The following FOXN3 variants were observed in gnomAD, a reference collection of about 807,000 sequenced individuals.
FOXN3 encodes the protein forkhead box protein N3.
Under a neutral mutation model 38.4 loss-of-function variants are expected in FOXN3, and 7 were observed. The ratio of observed to expected loss-of-function variants is 0.18; its 90% CI spans 0.10 to 0.34. The LOEUF (loss-of-function observed/expected upper bound fraction) is 0.34, where lower values mean the gene tolerates loss of function less well. Among genes scored for constraint, FOXN3 ranks in the 10% least tolerant of loss-of-function variants. The pLI, the probability that FOXN3 is intolerant of heterozygous loss-of-function variation, is 1.00. For synonymous variants in FOXN3, 230 were observed against 242.2 expected (o/e 0.95, Z 0.47); for missense variants, 456 against 613.4 (o/e 0.74, Z 2.71).
At chr14:89,169,204 G>A (rs1454198940) in intron 5 of FOXN3, among the ~76,000 whole-genome samples, 1 of 152,138 alleles carries the variant, frequency 6.6e-6, no homozygotes, top group Non-Finnish European at 1.5e-5. Flanking sequence ...ACTTTGGGAG[G>A]CTGAGGGAAG....
chr14:89,214,182 C>T (rs1306523059), intron 4 of FOXN3, among the ~76,000 whole-genome samples: 3 of 138,434 alleles, frequency 2.2e-5, no homozygotes, highest in Admixed American at 7.3e-5. Context: ...CGGATGGCCA[C>T]TGTTTCCTTA....
chr14:89,268,607 G>A (rs1299485575), intron 4 of FOXN3, among the ~76,000 whole-genome samples: 1 of 152,200 alleles, frequency 6.6e-6, no homozygotes, highest in African/African-American at 2.4e-5. Flanking sequence ...TCTCTGGGCT[G>A]GTGCCATTTC....
chr14:89,339,960 G>C (rs887528239), intron 3 of FOXN3, among the ~76,000 whole-genome samples: 1 of 152,154 alleles, frequency 6.6e-6, no homozygotes, highest in Non-Finnish European at 1.5e-5. Context: ...AGGAGGGTTT[G>C]GGGGTGGGGG....
intron 1 of FOXN3, among the ~76,000 whole-genome samples, chr14:89,572,666 C>T (rs765211509): frequency 3.3e-5 from 5 of 152,232 alleles, no homozygotes; most frequent in Non-Finnish European, 7.3e-5. Context: ...AGAACTCTGA[C>T]ATGTTTACAA....
chr14:89,412,653 A>G lies in FOXN3; in HGVS notation c.-14-163T>C, dbSNP rs765529988. ...CCACACTAAGCAACACAATCCCACA[A>G]TTCCACCACAGAGAGATAGGCTGAT... On this transcript the variant is annotated intron_variant, in intron 1 of 5. Coordinates refer to ENST00000557258, the MANE Select transcript of FOXN3 (RefSeq NM_005197.4). The surrounding 1 kb of genome is among the most constrained non-coding windows in gnomAD (Gnocchi z 4.7). Among the ~76,000 whole-genome samples, 9 of 152,190 alleles carry G rather than the reference A, an allele frequency of 5.9e-5. No individual in the cohort carries two copies. Among genetic ancestry groups the G allele is most frequent in the Non-Finnish European group, 1.3e-4 (9 of 67,998 alleles).
rs1895112160 is a variant in FOXN3, at chr14:89,555,882, G to GGGTGT, written c.-15+63145_-15+63146insACACC. ...GTGTGTGTGTGTGTGTGTGTATGTG[G>GGGTGT]GGGTGTATGTGGGGGTGTGTGTGTT... On this transcript the variant is annotated intron_variant, in intron 1 of 6. Coordinates refer to the FOXN3 transcript ENST00000345097. Among the ~76,000 whole-genome samples, 27 of 104,602 alleles carry GGGTGT rather than the reference G, an allele frequency of 2.6e-4. 4 individuals are homozygous for GGGTGT. Among genetic ancestry groups the GGGTGT allele is most frequent in the Non-Finnish European group, 4.5e-4 (22 of 49,348 alleles). 68.6% of individuals were successfully genotyped at this position (104,602 alleles called of 152,430 possible).
At position 89,428,786 on chromosome 14, in the gene FOXN3, C is replaced by T. The variant is rs144947917; in HGVS notation, c.-14-16296G>A. 3.4e-3 allele frequency among the ~76,000 whole-genome samples: 514 copies of T among 152,332 alleles called. 5 individuals carry two copies. Among genetic ancestry groups the T allele is most frequent in the African/African-American group, 0.012 (499 of 41,580 alleles). ...CCAAGCACCTGGCCAAGGCACCCTG[C>T]GCAGGCCTCCACGCCCCACGAGTGC... On this transcript the variant is annotated intron_variant, in intron 1 of 6. Transcript: ENST00000345097.
At chr14:89,234,301 C>T (rs541305771) in intron 4 of FOXN3, among the ~76,000 whole-genome samples, 1 of 152,172 alleles carries the variant, frequency 6.6e-6, no homozygotes, top group Non-Finnish European at 1.5e-5. Context: ...AAGGCATTGG[C>T]AGGGCCACCA....
At chr14:89,274,130 C>T (rs944399510) in intron 4 of FOXN3, among the ~76,000 whole-genome samples, 1 of 151,906 alleles carries the variant, frequency 6.6e-6, no homozygotes, top group Non-Finnish European at 1.5e-5. Context: ...AATGAGTGGG[C>T]GAGGGTCAGG....
chr14:89,320,358 G>A (rs1029874093), intron 3 of FOXN3, among the ~76,000 whole-genome samples: 2 of 152,202 alleles, frequency 1.3e-5, no homozygotes, highest in Non-Finnish European at 2.9e-5. Context: ...AATAATAGAA[G>A]TTCAAACAAA....
At chr14:89,487,842 G>T (rs1893480689) in intron 1 of FOXN3, among the ~76,000 whole-genome samples, 1 of 152,146 alleles carries the variant, frequency 6.6e-6, no homozygotes, top group African/African-American at 2.4e-5. Context: ...TTTGGGGTGA[G>T]GAGTGGGGGG....
chr14:89,576,901 A>G (rs753104808), intron 1 of FOXN3: 6 of 152,216 alleles, frequency 3.9e-5, no homozygotes, highest in African/African-American at 7.2e-5. Flanking sequence ...CTCCATCCGT[A>G]TGCTGATACA....
intron 4 of FOXN3, among the ~76,000 whole-genome samples, chr14:89,279,439 G>A (rs988175545): frequency 3.3e-5 from 5 of 152,128 alleles, no homozygotes; most frequent in South Asian, 2.1e-4. Flanking sequence ...AATAAAAATC[G>A]TGAGAAAAGG....
At chr14:89,342,699 T>G (rs1034887675) in intron 3 of FOXN3, among the ~76,000 whole-genome samples, 1 of 152,182 alleles carries the variant, frequency 6.6e-6, no homozygotes, top group African/African-American at 2.4e-5. Context: ...TTTACTGCAT[T>G]AATTTACCAC....
chr14:89,592,579 G>A (rs1267928582), intron 1 of FOXN3, among the ~76,000 whole-genome samples: 1 of 152,198 alleles, frequency 6.6e-6, no homozygotes, highest in Non-Finnish European at 1.5e-5. Flanking sequence ...CGTTCATTGA[G>A]TATTGCCTTT....
chr14:89,570,096 G>A (rs1432407717), intron 1 of FOXN3, among the ~76,000 whole-genome samples: 2 of 151,846 alleles, frequency 1.3e-5, no homozygotes, highest in African/African-American at 4.8e-5. Flanking sequence ...CGCCTCCCAG[G>A]TTCAAGCGAT....
intron 4 of FOXN3, among the ~76,000 whole-genome samples, chr14:89,197,331 A>T (rs1013657027): frequency 6.6e-6 from 1 of 151,972 alleles, no homozygotes; most frequent in African/African-American, 2.4e-5. Flanking sequence ...ACATGGTGAA[A>T]CCCCACCTCT....
At chr14:89,312,534 A>AG (rs1887589829) in intron 3 of FOXN3, among the ~76,000 whole-genome samples, 1 of 152,198 alleles carries the variant, frequency 6.6e-6, no homozygotes, top group Non-Finnish European at 1.5e-5. Flanking sequence ...AACTTGGAGA[A>AG]GGGGTAGGGA....
intron 4 of FOXN3, among the ~76,000 whole-genome samples, chr14:89,235,585 T>C (rs993428529): frequency 2.6e-5 from 4 of 152,192 alleles, no homozygotes; most frequent in African/African-American, 7.2e-5. Flanking sequence ...CTCCAGCACA[T>C]GTGACTATGT....
Sources: gnomAD v4.1 joint callset for allele counts (sites outside exome capture counted in the v4.1 genomes callset) on GRCh38, gnomAD v4.1.1 for gene constraint, Gnocchi (gnomAD v3.1) non-coding constraint, MANE v1.5 for transcripts, NCBI Gene and HGNC (gene_info 2026-07-23, HGNC 2026-07-21) for gene names.